KLHL29: variants seen among roughly 807,000 people sequenced by gnomAD.
KLHL29 encodes kelch like family member 29, also known as kelch-like protein 29.
KLHL29 carries 21 observed loss-of-function variants against 80.4 expected under a neutral mutation model. The observed-to-expected ratio is 0.26, with a 90% CI of 0.19 to 0.38. The LOEUF (loss-of-function observed/expected upper bound fraction) is 0.38, where lower values mean the gene tolerates loss of function less well. Ranked by LOEUF, KLHL29 falls within the 10% of genes least tolerant of loss-of-function variation. The pLI, the probability that KLHL29 is intolerant of heterozygous loss-of-function variation, is 1.00. For synonymous variants in KLHL29, 511 were observed against 526.8 expected (o/e 0.97, Z 0.41); for missense variants, 867 against 1,223.9 (o/e 0.71, Z 4.35).
rs998177397 is a variant in KLHL29, at chr2:23,669,731, G to A, written c.941-14668G>A. On this transcript the variant is annotated intron_variant, in intron 5 of 13. Coordinates refer to ENST00000486442, the MANE Select transcript of KLHL29 (RefSeq NM_052920.2). The surrounding 1 kb of genome is among the most constrained non-coding windows in gnomAD (Gnocchi z 4.3). ...CAGTCAGCCTCTGAGCACAGTGGCC[G>A]GTGCCCAGCTCATTTAGAGCTGAGG... Among the ~76,000 whole-genome samples, 1 of 152,130 alleles carries A rather than the reference G, an allele frequency of 6.6e-6. No individual in the cohort carries two copies.
intron 1 of KLHL29, among the ~76,000 whole-genome samples, chr2:23,406,014 CAA>C (rs1666717508): frequency 6.6e-6 from 1 of 152,106 alleles, no homozygotes; most frequent in African/African-American, 2.4e-5. Context: ...GGTATAACAA[CAA>C]AGTAATAATC....
intron 1 of KLHL29, among the ~76,000 whole-genome samples, chr2:23,397,309 G>A: frequency 6.6e-6 from 1 of 152,372 alleles, no homozygotes; most frequent in Admixed American, 6.5e-5. Context: ...ACATCACTGA[G>A]TGAGCAGGGC....
chr2:23,489,320 A>G (rs1175955370), intron 2 of KLHL29, among the ~76,000 whole-genome samples: 2 of 152,064 alleles, frequency 1.3e-5, no homozygotes, highest in Admixed American at 6.6e-5. Flanking sequence ...TGTCTCTGAC[A>G]CTAAAGCCTC....
intron 1 of KLHL29, among the ~76,000 whole-genome samples, chr2:23,413,364 G>C (rs144636133): frequency 6.6e-6 from 1 of 152,252 alleles, no homozygotes; most frequent in African/African-American, 2.4e-5. Context: ...CATTTTCTTT[G>C]TGGCAGAGGG....
intron 2 of KLHL29, among the ~76,000 whole-genome samples, chr2:23,541,706 C>G (rs1429856759): frequency 6.6e-6 from 1 of 151,052 alleles, no homozygotes; most frequent in Admixed American, 6.6e-5. Flanking sequence ...ACCGTTCTTT[C>G]TCAAGTCCCT....
At chr2:23,572,371 C>T (rs921558869) in intron 3 of KLHL29, among the ~76,000 whole-genome samples, 25 of 152,220 alleles carry the variant, frequency 1.6e-4, no homozygotes, top group African/African-American at 5.5e-4. Flanking sequence ...GATGGGAAAA[C>T]ATTTTTTGCT....
chr2:23,674,928 C>T (rs923982708), intron 5 of KLHL29, among the ~76,000 whole-genome samples: 2 of 152,162 alleles, frequency 1.3e-5, no homozygotes, highest in African/African-American at 4.8e-5. Flanking sequence ...CCTCCCCCAG[C>T]CCACCTTCAG....
intron 2 of KLHL29, among the ~76,000 whole-genome samples, chr2:23,507,532 G>A (rs769937268): frequency 1.3e-5 from 2 of 152,186 alleles, no homozygotes; most frequent in Non-Finnish European, 2.9e-5. Flanking sequence ...CAGCACCTGG[G>A]ACTCACCTAC....
intron 5 of KLHL29, among the ~76,000 whole-genome samples, chr2:23,670,979 T>C (rs868499086): frequency 0.014 from 84 of 6,050 alleles, 10 homozygotes; most frequent in Middle Eastern, 0.071. Flanking sequence ...TCTCTCTCTC[T>C]CCCTCCCTCC....
intron 2 of KLHL29, among the ~76,000 whole-genome samples, chr2:23,520,769 A>AATCTCATTATAGG (rs1164440520): frequency 5.3e-5 from 8 of 152,228 alleles, no homozygotes; most frequent in African/African-American, 1.9e-4. Context: ...GTACAACACA[A>AATCTCATTATAGG]ATCTCATTAT....
intron 2 of KLHL29, among the ~76,000 whole-genome samples, chr2:23,541,730 AG>A (rs1666839751): frequency 6.6e-6 from 1 of 150,992 alleles, no homozygotes; most frequent in South Asian, 2.1e-4. Context: ...AATCGAAAAC[AG>A]GATTTTTTAA....
intron 3 of KLHL29, among the ~76,000 whole-genome samples, chr2:23,631,949 T>C (rs1282715936): frequency 1.3e-5 from 2 of 152,136 alleles, no homozygotes; most frequent in East Asian, 3.9e-4. Context: ...GCAAAGACTT[T>C]CATTGATCCC....
chr2:23,454,662 C>G (rs1002775507), intron 1 of KLHL29, among the ~76,000 whole-genome samples: 1 of 152,038 alleles, frequency 6.6e-6, no homozygotes, highest in Non-Finnish European at 1.5e-5. Flanking sequence ...ATAATGATTT[C>G]GTTATTTCAT....
At position 23,695,941 on chromosome 2, in the gene KLHL29, G is replaced by T; in HGVS notation, c.1742-10G>T. 5 of 1,550,558 alleles carry T rather than the reference G, an allele frequency of 3.2e-6. No homozygotes were observed. The highest frequency in any genetic ancestry group is 4.4e-6 in the Non-Finnish European group (5 of 1,146,660). ...GTGTGTCCCAAGGGCGCCCATCCATGTCCCTGCAGGTGTGGCTGAGGTCAT... is the reference window on the plus strand; with the variant it reads ...GTGTGTCCCAAGGGCGCCCATCCATTTCCCTGCAGGTGTGGCTGAGGTCAT... On this transcript the variant is annotated splice_polypyrimidine_tract_variant and intron_variant, in intron 9 of 13. Coordinates refer to ENST00000486442, the MANE Select transcript of KLHL29 (RefSeq NM_052920.2). This position sits in a 1 kb window ranked among gnomAD's most constrained non-coding sequence, Gnocchi z 7.6.
intron 2 of KLHL29, among the ~76,000 whole-genome samples, chr2:23,510,404 T>C (rs1653768): frequency 0.77 from 116,756 of 152,080 alleles, 45,039 homozygotes; most frequent in Non-Finnish European, 0.81. Flanking sequence ...TGTGAGCACC[T>C]GACCCTTCTA....
At chr2:23,527,387 G>A (rs1416214019) in intron 2 of KLHL29, among the ~76,000 whole-genome samples, 1 of 152,204 alleles carries the variant, frequency 6.6e-6, no homozygotes, top group Non-Finnish European at 1.5e-5. Context: ...CAGGGCCCTC[G>A]TGGGTGTTGC....
chr2:23,632,065 G>A (rs145881220), intron 3 of KLHL29, among the ~76,000 whole-genome samples: 71 of 152,308 alleles, frequency 4.7e-4, no homozygotes, highest in African/African-American at 1.6e-3. Flanking sequence ...AACCTCCAGG[G>A]TGGGGTCCAG....
At chr2:23,532,044 C>G (rs1436463859) in intron 2 of KLHL29, among the ~76,000 whole-genome samples, 1 of 152,154 alleles carries the variant, frequency 6.6e-6, no homozygotes, top group Non-Finnish European at 1.5e-5. Context: ...TGGAAGCTGC[C>G]CAGAGCATCT....
chr2:23,672,169 C>G (rs183666056), intron 5 of KLHL29: 36 of 152,422 alleles, frequency 2.4e-4, no homozygotes, highest in African/African-American at 8.4e-4. Flanking sequence ...CCAGAGCACC[C>G]AACCGGCCAA....
Sources: gnomAD v4.1 joint callset for allele counts (sites outside exome capture counted in the v4.1 genomes callset) on GRCh38, gnomAD v4.1.1 for gene constraint, Gnocchi (gnomAD v3.1) non-coding constraint, MANE v1.5 for transcripts, NCBI Gene and HGNC (gene_info 2026-07-23, HGNC 2026-07-21) for gene names.